The following IFTAP variants were observed in gnomAD, a reference collection of about 807,000 sequenced individuals.
The protein encoded by IFTAP is intraflagellar transport-associated protein.
In IFTAP, 19 loss-of-function variants were observed where a neutral mutation model predicts 19.4. The observed-to-expected ratio is 0.98, with a 90% CI of 0.68 to 1.44. The LOEUF (loss-of-function observed/expected upper bound fraction) is 1.44, where lower values mean the gene tolerates loss of function less well. Ranked by LOEUF, IFTAP falls within the 40% of genes most tolerant of loss-of-function variation. IFTAP has a pLI of 0.00. For missense variants in IFTAP, 240 were observed against 253.6 expected (o/e 0.95, Z 0.36); for synonymous variants, 85 against 83.5 (o/e 1.02, Z -0.10).
intron 2 of IFTAP, among the ~76,000 whole-genome samples, chr11:36,611,741 A>G (rs1206912050): frequency 6.6e-6 from 1 of 152,064 alleles, no homozygotes; most frequent in Non-Finnish European, 1.5e-5. Flanking sequence ...GGAACTAGCT[A>G]GTTAACTTTG....
intron 5 of IFTAP, among the ~76,000 whole-genome samples, chr11:36,654,394 G>A (rs1853884351): frequency 6.6e-6 from 1 of 151,788 alleles, no homozygotes. Context: ...CAATGTGCAG[G>A]TTTGTTACAC....
intron 2 of IFTAP, among the ~76,000 whole-genome samples, chr11:36,618,997 AGG>A (rs1852199837): frequency 6.6e-6 from 1 of 151,990 alleles, no homozygotes; most frequent in South Asian, 2.1e-4. Context: ...GTACTGGCAG[AGG>A]ATTAAGGAGA....
Position 36,650,118 on chromosome 11 carries a change from G to A in IFTAP, c.498+1963G>A, listed in dbSNP as rs1166998277. On this transcript the variant is annotated intron_variant, in intron 5 of 5. Coordinates refer to ENST00000334307, the MANE Select transcript of IFTAP (RefSeq NM_138787.4). ...ACCTGTACTGTACCAACACTGCCTT[G>A]GTTTGATAACATTCATCTTAAAGCA... Among the ~76,000 whole-genome samples the A allele has an allele frequency of 3.3e-5, 5 of 152,220 alleles. No homozygotes were observed. The East Asian group carries it at 9.7e-4, about 29-fold the overall frequency.
chr11:36,600,300 G>A (rs543494520), intron 1 of IFTAP, among the ~76,000 whole-genome samples: 2 of 152,346 alleles, frequency 1.3e-5, no homozygotes, highest in East Asian at 1.9e-4. Flanking sequence ...CCTGAGCCAC[G>A]GACAGGTACG....
intron 1 of IFTAP, among the ~76,000 whole-genome samples, chr11:36,603,696 C>A (rs1818003): frequency 1.6e-4 from 25 of 151,950 alleles, no homozygotes; most frequent in Non-Finnish European, 3.1e-4. Context: ...CCGAGGTGGG[C>A]GGATCACTTG....
At chr11:36,626,767 A>G (rs1456372768) in intron 2 of IFTAP, among the ~76,000 whole-genome samples, 1 of 151,316 alleles carries the variant, frequency 6.6e-6, no homozygotes, top group Non-Finnish European at 1.5e-5. Context: ...TTAGAGAATT[A>G]TAGCCTCAAT....
intron 2 of IFTAP, among the ~76,000 whole-genome samples, chr11:36,613,598 C>T (rs1017051639): frequency 2.0e-5 from 3 of 151,984 alleles, no homozygotes; most frequent in African/African-American, 7.2e-5. Context: ...AGGAGGGCCA[C>T]CCAGCCTGTG....
intron 5 of IFTAP, among the ~76,000 whole-genome samples, chr11:36,656,715 C>T (rs1854008348): frequency 6.6e-6 from 1 of 151,954 alleles, no homozygotes; most frequent in Non-Finnish European, 1.5e-5. Context: ...AGTTATGAAA[C>T]CTTGTAGACA....
chr11:36,604,782 G>A (rs1028628623), intron 1 of IFTAP, among the ~76,000 whole-genome samples: 2 of 152,086 alleles, frequency 1.3e-5, no homozygotes, highest in Non-Finnish European at 1.5e-5. Flanking sequence ...TTAGTTGACA[G>A]AAACCCCACA....
chr11:36,648,837 T>G (rs561851198), intron 5 of IFTAP, among the ~76,000 whole-genome samples: 73 of 152,270 alleles, frequency 4.8e-4, no homozygotes, highest in African/African-American at 1.7e-3. Flanking sequence ...GGTGACCACT[T>G]AGTCACATGT....
At chr11:36,614,250 A>T in intron 2 of IFTAP, among the ~76,000 whole-genome samples, 1 of 145,012 alleles carries the variant, frequency 6.9e-6, no homozygotes, top group African/African-American at 2.7e-5. Context: ...ACATGAACTC[A>T]TCATTTTTTA....
intron 2 of IFTAP, among the ~76,000 whole-genome samples, chr11:36,613,879 GT>G (rs1565010174): frequency 6.6e-6 from 1 of 150,662 alleles, no homozygotes; most frequent in African/African-American, 2.4e-5. Context: ...TTTTAGTAAA[GT>G]TTAGAGTTAC....
intron 1 of IFTAP, among the ~76,000 whole-genome samples, chr11:36,602,300 T>A (rs191756022): frequency 5.3e-5 from 8 of 152,358 alleles, no homozygotes; most frequent in African/African-American, 1.9e-4. Flanking sequence ...CACCTGCTCC[T>A]AACCAGCTGT....
intron 2 of IFTAP, among the ~76,000 whole-genome samples, chr11:36,621,872 A>G (rs1852303072): frequency 6.6e-6 from 1 of 152,032 alleles, no homozygotes; most frequent in Admixed American, 6.6e-5. Flanking sequence ...ATATGTTTAT[A>G]GATTGTATAG....
At chr11:36,610,928 C>A (rs1851856153) in intron 2 of IFTAP, among the ~76,000 whole-genome samples, 1 of 152,050 alleles carries the variant, frequency 6.6e-6, no homozygotes, top group African/African-American at 2.4e-5. Flanking sequence ...TGTTTTGTTT[C>A]CCTCATCCAG....
chr11:36,651,638 C>T (rs1384293152), intron 5 of IFTAP, among the ~76,000 whole-genome samples: 1 of 152,126 alleles, frequency 6.6e-6, no homozygotes, highest in Non-Finnish European at 1.5e-5. Context: ...ATGCCTATGT[C>T]CTGAATGGTA....
intron 5 of IFTAP, among the ~76,000 whole-genome samples, chr11:36,650,046 G>A (rs1361902861): frequency 1.3e-5 from 2 of 152,032 alleles, no homozygotes; most frequent in African/African-American, 4.8e-5. Context: ...TCCAAAATCT[G>A]AAATCCAAAA....
intron 4 of IFTAP, among the ~76,000 whole-genome samples, chr11:36,641,238 A>G (rs1853182812): frequency 6.6e-6 from 1 of 152,078 alleles, no homozygotes; most frequent in Non-Finnish European, 1.5e-5. Context: ...GCTTCTCAAT[A>G]TTTTCTATTT....
chr11:36,601,274 T>A (rs1328431025), intron 1 of IFTAP, among the ~76,000 whole-genome samples: 1 of 152,172 alleles, frequency 6.6e-6, no homozygotes, highest in African/African-American at 2.4e-5. Context: ...GATGTTTGGC[T>A]CGTTGAATGA....
Sources: allele counts gnomAD v4.1 joint callset (sites outside exome capture counted in the v4.1 genomes callset), GRCh38; gene constraint gnomAD v4.1.1; transcripts MANE v1.5; gene names NCBI Gene and HGNC (gene_info 2026-07-23, HGNC 2026-07-21).